The following KCNIP1 variants were observed in gnomAD, a reference collection of about 807,000 sequenced individuals.
KCNIP1 encodes A-type potassium channel modulatory protein KCNIP1.
In KCNIP1, 18 loss-of-function variants were observed where a neutral mutation model predicts 33.0. That is an observed-to-expected ratio of 0.55 (90% CI 0.38 to 0.81). The LOEUF is 0.81. Ranked by LOEUF, KCNIP1 falls within the 30% of genes least tolerant of loss-of-function variation. The pLI is 0.00. For missense variants in KCNIP1, 238 were observed against 271.6 expected, an observed-to-expected ratio of 0.88 and a Z score of 0.87; for synonymous variants, 93 against 98.3, an observed-to-expected ratio of 0.95 and a Z score of 0.32.
Position 170,504,221 on chromosome 5 carries a change from G to C in KCNIP1, c.-352G>C, listed in dbSNP as rs934888532. The C allele has an allele frequency of 3.0e-5, 32 of 1,057,840 alleles. 1 individual carries two copies. In the Admixed American group the frequency reaches 7.7e-4, roughly 25 times the overall value. The allele number at this position is 1,057,840 out of a possible 1,614,324, so 65.5% of individuals were successfully genotyped here. ...CCCGCACCGCACGCGGCGCTGGCTC[G>C]GCAGCCTCGGCCGGGCGGCCGCTCT... On this transcript the variant is annotated 5_prime_UTR_variant, in exon 1 of 8. Transcript: ENST00000328939. This position sits in a 1 kb window ranked among gnomAD's most constrained non-coding sequence, Gnocchi z 6.0.
chr5:170,674,955 T>C (rs541002181), intron 1 of KCNIP1, among the ~76,000 whole-genome samples: 1 of 148,248 alleles, frequency 6.7e-6, no homozygotes, highest in African/African-American at 2.5e-5. Context: ...TGTAGCTAGA[T>C]GCACAGAGGG....
intron 1 of KCNIP1, among the ~76,000 whole-genome samples, chr5:170,709,118 T>C (rs329472): frequency 0.25 from 37,772 of 152,094 alleles, 4,804 homozygotes; most frequent in South Asian, 0.35. Flanking sequence ...ATTTATAGTA[T>C]TTTATGATTG....
At chr5:170,623,319 C>T (rs937739395) in intron 1 of KCNIP1, among the ~76,000 whole-genome samples, 2 of 151,950 alleles carry the variant, frequency 1.3e-5, no homozygotes. Context: ...TCAAGCCATT[C>T]TCCTCCCTCA....
At chr5:170,393,143 C>G (rs192185284) in intron 1 of KCNIP1, among the ~76,000 whole-genome samples, 2 of 152,356 alleles carry the variant, frequency 1.3e-5, no homozygotes, top group East Asian at 3.9e-4. Context: ...CAGCCCGTCC[C>G]TGCCCCTCTG....
intron 1 of KCNIP1, among the ~76,000 whole-genome samples, chr5:170,598,416 CTGG>C: frequency 6.6e-6 from 1 of 152,164 alleles, no homozygotes; most frequent in Non-Finnish European, 1.5e-5. Flanking sequence ...AGCTGGACAC[CTGG>C]CTGTGGTCCC....
At position 170,544,016 on chromosome 5, in the gene KCNIP1, G is replaced by A. The variant is rs544741421; in HGVS notation, c.61+39383G>A. On this transcript the variant is annotated intron_variant, in intron 1 of 7. Transcript: ENST00000328939. ...GCGTGCATAAAACGTTTAAGTGACC[G>A]GCTCATTCGTAAGTATTTTTGTGTT... 9.9e-5 allele frequency among the ~76,000 whole-genome samples: 15 copies of A among 152,264 alleles called. No homozygotes were observed. In the South Asian group the frequency reaches 1.9e-3, roughly 19 times the overall value.
chr5:170,650,655 G>A (rs1410986454), intron 1 of KCNIP1, among the ~76,000 whole-genome samples: 1 of 152,164 alleles, frequency 6.6e-6, no homozygotes. Flanking sequence ...ACGTGGAAAT[G>A]CTTTCATTCC....
intron 1 of KCNIP1, among the ~76,000 whole-genome samples, chr5:170,527,946 C>A (rs1486788722): frequency 6.6e-6 from 1 of 152,074 alleles, no homozygotes; most frequent in South Asian, 2.1e-4. Flanking sequence ...TTTACAGACA[C>A]ACGACAATTC....
intron 1 of KCNIP1, among the ~76,000 whole-genome samples, chr5:170,650,191 A>C (rs1760988423): frequency 6.6e-6 from 1 of 152,208 alleles, no homozygotes; most frequent in Non-Finnish European, 1.5e-5. Flanking sequence ...ATACAAAAAA[A>C]TTGTACATAT....
chr5:170,498,539 G>A (rs1460497181), intron 1 of KCNIP1, among the ~76,000 whole-genome samples: 1 of 152,158 alleles, frequency 6.6e-6, no homozygotes, highest in Non-Finnish European at 1.5e-5. Flanking sequence ...TTCCTAGCCT[G>A]AATGCAATTT....
chr5:170,537,113 G>A (rs527324097), intron 1 of KCNIP1, among the ~76,000 whole-genome samples: 3 of 152,144 alleles, frequency 2.0e-5, no homozygotes, highest in Non-Finnish European at 1.5e-5. Flanking sequence ...TCAGGTTGGT[G>A]GCTCAGAGAG....
intron 1 of KCNIP1, among the ~76,000 whole-genome samples, chr5:170,394,814 G>A (rs1465555246): frequency 1.3e-5 from 2 of 152,102 alleles, no homozygotes; most frequent in African/African-American, 2.4e-5. Flanking sequence ...TCTACCCGGG[G>A]ATTAGCTCCC....
intron 1 of KCNIP1, among the ~76,000 whole-genome samples, chr5:170,662,456 T>C (rs985379328): frequency 1.3e-5 from 2 of 152,176 alleles, no homozygotes; most frequent in African/African-American, 4.8e-5. Flanking sequence ...TTTCCAAGAC[T>C]GCCCAGGTCT....
chr5:170,567,503 A>G (rs1424912546), intron 1 of KCNIP1, among the ~76,000 whole-genome samples: 1 of 152,226 alleles, frequency 6.6e-6, no homozygotes, highest in African/African-American at 2.4e-5. Flanking sequence ...AGAGGAGATC[A>G]GGCAAAGAGA....
chr5:170,636,475 C>T (rs1398459893), intron 1 of KCNIP1, among the ~76,000 whole-genome samples: 1 of 152,196 alleles, frequency 6.6e-6, no homozygotes, highest in Non-Finnish European at 1.5e-5. Flanking sequence ...GGCCTGCCTT[C>T]TCATGCCAGC....
intron 1 of KCNIP1, among the ~76,000 whole-genome samples, chr5:170,553,998 G>A (rs1042067040): frequency 2.0e-5 from 3 of 152,224 alleles, no homozygotes; most frequent in Non-Finnish European, 4.4e-5. Flanking sequence ...GGCCTAGACT[G>A]GTGTGACAAT....
chr5:170,475,707 G>C (rs1756842431), intron 1 of KCNIP1, among the ~76,000 whole-genome samples: 1 of 152,162 alleles, frequency 6.6e-6, no homozygotes, highest in South Asian at 2.1e-4. Flanking sequence ...GAGCCACAAA[G>C]GACCTCAAAG....
At chr5:170,548,247 T>C (rs1234674309) in intron 1 of KCNIP1, among the ~76,000 whole-genome samples, 1 of 152,232 alleles carries the variant, frequency 6.6e-6, no homozygotes, top group African/African-American at 2.4e-5. Flanking sequence ...ATTAAGCATA[T>C]AAATTTTGCC....
chr5:170,459,211 A>T (rs1374357438), intron 1 of KCNIP1, among the ~76,000 whole-genome samples: 1 of 152,170 alleles, frequency 6.6e-6, no homozygotes, highest in Admixed American at 6.5e-5. Context: ...TAATAGACCT[A>T]AGAAATGAGA....
Sources: gnomAD v4.1 joint callset for allele counts (sites outside exome capture counted in the v4.1 genomes callset) on GRCh38, gnomAD v4.1.1 for gene constraint, Gnocchi (gnomAD v3.1) non-coding constraint, MANE v1.5 for transcripts, NCBI Gene and HGNC (gene_info 2026-07-23, HGNC 2026-07-21) for gene names.